The following TEK variants were observed in gnomAD, a reference collection of about 807,000 sequenced individuals.
TEK encodes the protein TEK receptor tyrosine kinase.
In TEK, 43 loss-of-function variants were observed where a neutral mutation model predicts 131.8. The ratio of observed to expected loss-of-function variants is 0.33; its 90% confidence interval spans 0.26 to 0.42. The LOEUF is 0.42. TEK is among the 10% of genes least tolerant of loss of function. The pLI is 1.00. For synonymous variants in TEK, 580 were observed against 491.6 expected (o/e 1.18, Z -2.38); for missense variants, 1,162 against 1,384.4 (o/e 0.84, Z 2.55).
At position 27,204,292 on chromosome 9, in the gene TEK, A is replaced by C. The variant is rs553204270; in HGVS notation, c.2210-619A>C. Among the ~76,000 whole-genome samples, 18 of 152,334 alleles carry C rather than the reference A, an allele frequency of 1.2e-4. No individual in the cohort carries two copies. In the South Asian group the frequency reaches 3.7e-3, roughly 32 times the overall value. ...AAATATATCGAGTTTAATTTTATTT[A>C]AATAAGGAAAAGAAATAGATTTGAC... is the stretch of plus-strand genomic sequence containing the variant. On this transcript the variant is annotated intron_variant, in intron 13 of 22. Transcript: ENST00000380036.
In TEK at chr9:27,203,679, A is replaced by G. The variant is rs561653903; in HGVS notation, c.2209+560A>G. On this transcript the variant is annotated intron_variant, in intron 13 of 22. Coordinates refer to ENST00000380036, the MANE Select transcript of TEK (RefSeq NM_000459.5). ...TGATAAAGTCTGTTGAGTGTAATTA[A>G]GTGAACAAGGGTCCCATGTGGGTGG... is the stretch of plus-strand genomic sequence containing the variant. Among the ~76,000 whole-genome samples, 28 of 152,326 alleles carry G rather than the reference A, an allele frequency of 1.8e-4. No individual in the cohort carries two copies. The South Asian group carries it at 5.8e-3, about 32-fold the overall frequency.
At chr9:27,180,115 C>T (rs1308407217) in intron 6 of TEK, 125 bp from the exon 7 acceptor site, 28 of 1,374,530 alleles carry the variant, frequency 2.0e-5, no homozygotes, top group Non-Finnish European at 2.8e-5. Context: ...AGATAAATTA[C>T]CCCCTACCTT....
intron 1 of TEK, among the ~76,000 whole-genome samples, chr9:27,132,126 C>T (rs1231898770): frequency 1.4e-5 from 2 of 143,166 alleles, no homozygotes; most frequent in Non-Finnish European, 3.0e-5. Flanking sequence ...CTTGCTCTGT[C>T]GCCCAGGCTG....
At chr9:27,116,640 G>T (rs1315322403) in intron 1 of TEK, among the ~76,000 whole-genome samples, 1 of 152,184 alleles carries the variant, frequency 6.6e-6, no homozygotes, top group East Asian at 1.9e-4. Context: ...AGAGGAAGGG[G>T]ATTGGGCAAG....
At chr9:27,169,293 A>G (rs1175704199) in intron 3 of TEK, among the ~76,000 whole-genome samples, 184 bp from the exon 4 acceptor site, 1 of 152,222 alleles carries the variant, frequency 6.6e-6, no homozygotes, top group Non-Finnish European at 1.5e-5. Flanking sequence ...TTCTATCACT[A>G]TGACTTTCTT....
intron 21 of TEK, among the ~76,000 whole-genome samples, chr9:27,226,197 G>C (rs1826320633): frequency 6.6e-6 from 1 of 152,210 alleles, no homozygotes. Context: ...TCTAGAATTA[G>C]AAATACCATT....
At chr9:27,219,528 C>T (rs557758416) in intron 20 of TEK, among the ~76,000 whole-genome samples, 2 of 152,100 alleles carry the variant, frequency 1.3e-5, no homozygotes, top group African/African-American at 4.8e-5. Flanking sequence ...AGGACAAATA[C>T]CTAATGTATG....
chr9:27,137,922 G>A (rs887962796), intron 1 of TEK, among the ~76,000 whole-genome samples: 1 of 152,154 alleles, frequency 6.6e-6, no homozygotes, highest in Admixed American at 6.6e-5. Flanking sequence ...TCTTAAAGAT[G>A]GTGTGTCCAG....
chr9:27,136,552 G>A (rs1822448846), intron 1 of TEK, among the ~76,000 whole-genome samples: 1 of 152,124 alleles, frequency 6.6e-6, no homozygotes, highest in Non-Finnish European at 1.5e-5. Flanking sequence ...CCCCCAGACA[G>A]ACACACAGGT....
At chr9:27,209,317 T>A in intron 16 of TEK, 86 bp downstream of exon 16, 1 of 997,350 alleles carries the variant, frequency 1.0e-6, no homozygotes, top group Non-Finnish European at 1.6e-6. Flanking sequence ...ATAATGATCT[T>A]AAGAATGTTG....
intron 11 of TEK, among the ~76,000 whole-genome samples, chr9:27,196,911 GT>G (rs1825043385): frequency 6.6e-6 from 1 of 151,028 alleles, no homozygotes; most frequent in Admixed American, 6.6e-5. Context: ...TGTGCACAAC[GT>G]GCAGGTTAGT....
At chr9:27,198,187 T>C (rs1255271631) in intron 12 of TEK, 2 of 163,614 alleles carry the variant, frequency 1.2e-5, no homozygotes, top group East Asian at 1.7e-4. Flanking sequence ...GAGAGTTTTA[T>C]TTTGATTCAC....
intron 1 of TEK, among the ~76,000 whole-genome samples, chr9:27,148,499 G>A (rs1823006359): frequency 6.6e-6 from 1 of 152,178 alleles, no homozygotes; most frequent in African/African-American, 2.4e-5. Flanking sequence ...GTTAGTCTTG[G>A]CGTCTCCTCA....
intron 1 of TEK, among the ~76,000 whole-genome samples, chr9:27,156,219 A>T (rs1012349415): frequency 6.6e-6 from 1 of 151,914 alleles, no homozygotes; most frequent in African/African-American, 2.4e-5. Flanking sequence ...TCATCCATAC[A>T]CTCATCCAAC....
At chr9:27,194,833 C>T (rs967162824) in intron 11 of TEK, among the ~76,000 whole-genome samples, 1 of 152,002 alleles carries the variant, frequency 6.6e-6, no homozygotes, top group Non-Finnish European at 1.5e-5. Flanking sequence ...GGCAGTTGCA[C>T]TGTTTATGTG....
rs151304745 is a variant in TEK at position 27,122,258 on chromosome 9, C to T, written c.52+12616C>T. On this transcript the variant is annotated intron_variant, in intron 1 of 22. Transcript: ENST00000380036. The stretch of plus-strand genomic sequence containing the variant: ...AGTCTGGTGGGTGAGAAACCCTGCC[C>T]TAATAAAGGCAGATGGAAACATGGA... 2.4e-3 allele frequency among the ~76,000 whole-genome samples: 370 copies of T among 152,150 alleles called. 1 individual carries two copies. The highest frequency in any genetic ancestry group is 3.4e-3 in the Middle Eastern group (1 of 294).
intron 19 of TEK, 119 bp from the exon 20 acceptor site, chr9:27,218,658 A>G (rs1388139149): frequency 1.0e-6 from 1 of 982,298 alleles, no homozygotes; most frequent in Non-Finnish European, 1.6e-6. Flanking sequence ...CTATCCTAGG[A>G]TGTAGACATT....
At chr9:27,175,393 G>C (rs1329955781) in intron 6 of TEK, among the ~76,000 whole-genome samples, 3 of 151,102 alleles carry the variant, frequency 2.0e-5, no homozygotes, top group African/African-American at 7.3e-5. Context: ...ATCATTGTTG[G>C]ACATTTGGGT....
intron 11 of TEK, chr9:27,195,729 C>A: frequency 2.2e-6 from 1 of 454,584 alleles, no homozygotes; most frequent in Non-Finnish European, 4.4e-6. Flanking sequence ...GTTAATAGAG[C>A]CCCTAACACC....
Sources: allele counts gnomAD v4.1 joint callset (sites outside exome capture counted in the v4.1 genomes callset), GRCh38; gene constraint gnomAD v4.1.1; transcripts MANE v1.5; gene names NCBI Gene and HGNC (gene_info 2026-07-23, HGNC 2026-07-21).